Variants in SLC12A9 observed in about 807,000 individuals in gnomAD.
SLC12A9 encodes CCC-interacting protein 1.
A neutral mutation model predicts 66.0 loss-of-function variants in SLC12A9; 55 were observed. The observed-to-expected ratio is 0.83, with a 90% CI of 0.67 to 1.04. SLC12A9 has a LOEUF of 1.04. Among genes scored for constraint, SLC12A9 ranks in the 50% least tolerant of loss-of-function variants. SLC12A9 has a pLI of 0.00. For missense variants in SLC12A9, 1,061 were observed against 1,241.9 expected (o/e 0.85, Z 2.19); for synonymous variants, 577 against 569.0 (o/e 1.01, Z -0.20).
chr7:100,866,309 G>A lies in SLC12A9; in HGVS notation c.2449G>A (p.Glu817Lys). The change falls in exon 14 of 14, where the codon GAA becomes AAA. Residue 817 changes from glutamate (E) to lysine (K), a missense_variant. Glu to Lys is a moderately conservative substitution (Grantham distance 56). Coordinates refer to ENST00000354161, the MANE Select transcript of SLC12A9 (RefSeq NM_020246.4). The surrounding 1 kb of genome is among the most constrained non-coding windows in gnomAD (Gnocchi z 7.3). ...GGCTGGGGAACCCGAGGCGGAGGAGGAAGGGGACTTTGTGAACAGTGGGCG... is the reference window on the plus strand; with the variant it reads ...GGCTGGGGAACCCGAGGCGGAGGAGAAAGGGGACTTTGTGAACAGTGGGCG... ...AGAGEPEAEE[E>K]GDFVNSGRGD... 2.0e-6 allele frequency: 3 copies of A among 1,514,764 alleles called. No individual in the cohort carries two copies. The highest frequency in any genetic ancestry group is 2.7e-6 in the Non-Finnish European group (3 of 1,129,096). 93.8% of individuals were successfully genotyped at this position (1,514,764 alleles called of 1,614,324 possible). A position where few individuals can be genotyped will look rare whatever the true frequency, so the allele number is the denominator to read the frequency against.
intron 12 of SLC12A9, among the ~76,000 whole-genome samples, chr7:100,862,199 C>T (rs779648292): frequency 2.0e-5 from 3 of 152,042 alleles, no homozygotes; most frequent in Non-Finnish European, 4.4e-5. Flanking sequence ...TCAAGTGCTC[C>T]GCCCATCTCG....
chr7:100,857,297 A>T (rs1814458072), intron 5 of SLC12A9, 121 bp downstream of exon 5: 4 of 1,116,950 alleles, frequency 3.6e-6, no homozygotes, highest in Non-Finnish European at 2.5e-6. Context: ...GGAGGTCTGG[A>T]CTGCAGAGCA....
intron 1 of SLC12A9, among the ~76,000 whole-genome samples, chr7:100,838,604 C>T (rs2116515220): frequency 6.6e-6 from 1 of 152,136 alleles, no homozygotes; most frequent in Middle Eastern, 3.4e-3. Flanking sequence ...TGCGACCTGG[C>T]CTCTGGGGCT....
intron 3 of SLC12A9, among the ~76,000 whole-genome samples, chr7:100,855,193 G>C (rs1814312434): frequency 6.6e-6 from 1 of 152,206 alleles, no homozygotes; most frequent in African/African-American, 2.4e-5. Context: ...CGCCATCATA[G>C]CTCACTGTGA....
In SLC12A9 at chr7:100,866,035, C is replaced by T. The variant is rs546083706; in HGVS notation, c.2175C>T (p.Asp725=). The T allele has an allele frequency of 5.0e-6, 8 of 1,612,802 alleles. No homozygotes were observed. In the East Asian group the frequency reaches 6.7e-5, roughly 13 times the overall value. The part of the protein sequence containing the change: ...SGGTSQLHHV[D]VWPLNLLRPR... ...GCACCTCTCAGCTGCACCATGTGGA[C>T]GTGTGGCCCCTCAACCTGCTGCGGC... The change falls in exon 14 of 14, where the codon GAC becomes GAT. Residue 725 remains aspartate (D), a synonymous_variant. Transcript: ENST00000354161. The surrounding 1 kb of genome is among the most constrained non-coding windows in gnomAD (Gnocchi z 7.3).
At chr7:100,853,605 G>T (rs1814205359) in intron 1 of SLC12A9, among the ~76,000 whole-genome samples, 1 of 151,232 alleles carries the variant, frequency 6.6e-6, no homozygotes, top group Non-Finnish European at 1.5e-5. Context: ...CTGTCACCCA[G>T]GCTGGAGTGC....
Position 100,861,494 on chromosome 7 carries a change from G to C in SLC12A9, c.1446G>C (p.Leu482=), listed in dbSNP as rs748673134. 9.7e-5 allele frequency: 156 copies of C among 1,613,712 alleles called. 2 individuals carry two copies. The South Asian group carries it at 1.6e-3, about 17-fold the overall frequency. The part of the protein sequence containing the change: ...LISPGAAGGS[L]LLMGLLAALL... Reference sequence around the variant, plus strand: ...GTCCTGGCGCGGCTGGTGGCTCCCTGCTCCTCATGGGTCTGCTGGCTGCCC... The same window carrying C: ...GTCCTGGCGCGGCTGGTGGCTCCCTCCTCCTCATGGGTCTGCTGGCTGCCC... Residue 482 remains leucine (L), a synonymous_variant, in exon 11 of 14, where the codon CTG becomes CTC. Coordinates refer to ENST00000354161, the MANE Select transcript of SLC12A9 (RefSeq NM_020246.4). This position sits in a 1 kb window ranked among gnomAD's most constrained non-coding sequence, Gnocchi z 5.3.
Position 100,866,448 on chromosome 7 carries a change from G to C in SLC12A9, c.2588G>C (p.Gly863Ala), listed in dbSNP as rs761790723. ...GGGCCGGAGGGTGGGGATGCTGAGG[G>C]CCCCATCACAGCCCTCACCTTCCTG... ...PGGPEGGDAE[G>A]PITALTFLYL... The change falls in exon 14 of 14, where the codon GGC becomes GCC. Residue 863 changes from glycine (G) to alanine (A), a missense_variant. Coordinates refer to ENST00000354161, the MANE Select transcript of SLC12A9 (RefSeq NM_020246.4). This position sits in a 1 kb window ranked among gnomAD's most constrained non-coding sequence, Gnocchi z 7.3. The C allele has an allele frequency of 8.4e-6, 13 of 1,549,794 alleles. No individual in the cohort carries two copies. Among genetic ancestry groups the C allele is most frequent in the Non-Finnish European group, 1.1e-5 (13 of 1,147,122 alleles).
Position 100,854,374 on chromosome 7 carries a change from G to C in SLC12A9, c.177G>C (p.Arg59Ser). The change falls in exon 2 of 14, where the codon AGG becomes AGC. Residue 59 changes from arginine to serine, a missense_variant. Physicochemically the swap from Arg to Ser is moderately radical, Grantham distance 110 (BLOSUM62 -1). Coordinates refer to ENST00000354161, the MANE Select transcript of SLC12A9 (RefSeq NM_020246.4). Reference sequence around the variant, plus strand: ...TGTTCAGCATAGTTGTTTTTCTGAGGATTGGTGAGTGGGTCCTGGGGCGGG... The same window carrying C: ...TGTTCAGCATAGTTGTTTTTCTGAGCATTGGTGAGTGGGTCCTGGGGCGGG... The part of the protein sequence containing the change: ...LSMFSIVVFL[R>S]IGFVVGHAGL... 2 of 1,613,292 alleles carry C rather than the reference G, an allele frequency of 1.2e-6. No homozygotes were observed. The highest frequency in any genetic ancestry group is 1.7e-6 in the Non-Finnish European group (2 of 1,179,796).
At chr7:100,840,658 A>G (rs555510375) in intron 1 of SLC12A9, among the ~76,000 whole-genome samples, 62 of 152,134 alleles carry the variant, frequency 4.1e-4, no homozygotes, top group South Asian at 2.9e-3. Flanking sequence ...AGAAAGACAG[A>G]GAGAAAGAAA....
At chr7:100,826,954 C>T (rs780690665) in exon 1 of SLC12A9, 1 of 1,503,482 alleles carries the variant, frequency 6.7e-7, no homozygotes, top group Non-Finnish European at 8.9e-7. Context: ...TGACGGGGTG[C>T]GCCCCCCCCC....
At position 100,861,367 on chromosome 7, in the gene SLC12A9, T is replaced by C. The variant is rs763773376; in HGVS notation, c.1344-25T>C. On this transcript the variant is annotated intron_variant, in intron 10 of 13. Transcript: ENST00000354161. The surrounding 1 kb of genome is among the most constrained non-coding windows in gnomAD (Gnocchi z 5.3). The stretch of plus-strand genomic sequence containing the variant: ...GTGTGCGGCCTGCCCTGAGTTTCTG[T>C]CCCTCCTCCCCTCCATGCCCGCAGC... 8 of 1,611,900 alleles carry C rather than the reference T, an allele frequency of 5.0e-6. No individual in the cohort carries two copies. The highest frequency in any genetic ancestry group is 6.8e-6 in the Non-Finnish European group (8 of 1,178,594).
chr7:100,849,953 A>G (rs1480622377), upstream of SLC12A9, among the ~76,000 whole-genome samples: 2 of 151,038 alleles, frequency 1.3e-5, no homozygotes, highest in African/African-American at 4.9e-5. Context: ...GCTCACTGCA[A>G]CCTCTGCATC....
chr7:100,846,675 G>A (rs1813924130), intron 1 of SLC12A9, among the ~76,000 whole-genome samples: 1 of 152,186 alleles, frequency 6.6e-6, no homozygotes, highest in South Asian at 2.1e-4. Context: ...TGGGTAGTGA[G>A]AATGAAAGTG....
intron 1 of SLC12A9, among the ~76,000 whole-genome samples, chr7:100,847,152 C>CT (rs1813936390): frequency 6.6e-6 from 1 of 152,220 alleles, no homozygotes; most frequent in Non-Finnish European, 1.5e-5. Context: ...AACTCAGTGT[C>CT]TGAGGAGTTT....
At chr7:100,829,270 T>C (rs1813495225) in intron 1 of SLC12A9, among the ~76,000 whole-genome samples, 1 of 151,910 alleles carries the variant, frequency 6.6e-6, no homozygotes, top group South Asian at 2.1e-4. Flanking sequence ...TTACAGACGT[T>C]AGCCACCGCG....
chr7:100,840,505 C>A (rs115557853), intron 1 of SLC12A9, among the ~76,000 whole-genome samples: 1 of 151,926 alleles, frequency 6.6e-6, no homozygotes, highest in Non-Finnish European at 1.5e-5. Flanking sequence ...TTAGACCCCC[C>A]GCCCCCAACA....
chr7:100,833,342 G>A (rs561658393), intron 1 of SLC12A9, among the ~76,000 whole-genome samples: 13 of 151,852 alleles, frequency 8.6e-5, no homozygotes, highest in African/African-American at 2.9e-4. Context: ...AGTGGCACAC[G>A]CCTGTAATCC....
At chr7:100,850,003 G>A (rs781177245), upstream of SLC12A9, among the ~76,000 whole-genome samples, 5 of 152,000 alleles carry the variant, frequency 3.3e-5, no homozygotes, top group Non-Finnish European at 4.4e-5. Flanking sequence ...CTCCCGAGTG[G>A]CTGGGACTAC....
Sources: gnomAD v4.1 joint callset for allele counts (sites outside exome capture counted in the v4.1 genomes callset) on GRCh38, gnomAD v4.1.1 for gene constraint, Gnocchi (gnomAD v3.1) non-coding constraint, MANE v1.5 for transcripts, NCBI Gene and HGNC (gene_info 2026-07-23, HGNC 2026-07-21) for gene names.